Variants in ZNF462 observed in about 807,000 individuals in gnomAD.
ZNF462 encodes the protein zinc finger PBX1-interacting protein.
In ZNF462, 10 loss-of-function variants were observed where a neutral mutation model predicts 201.9. The ratio of observed to expected loss-of-function variants is 0.05; its 90% CI spans 0.03 to 0.08. The LOEUF (loss-of-function observed/expected upper bound fraction) is 0.08. ZNF462 is among the 10% of genes least tolerant of loss of function. The probability of loss-of-function intolerance (pLI) is 1.00; values close to 1 mark genes in which losing one functional copy is unlikely to be tolerated. For missense variants in ZNF462, 2,523 were observed against 3,168.3 expected, an observed-to-expected ratio of 0.80 and a Z score of 4.89; for synonymous variants, 1,227 against 1,193.3, an observed-to-expected ratio of 1.03 and a Z score of -0.58.
intron 1 of ZNF462, among the ~76,000 whole-genome samples, chr9:106,892,169 G>C (rs1040811166): frequency 1.3e-5 from 2 of 152,262 alleles, no homozygotes; most frequent in Non-Finnish European, 1.5e-5. Flanking sequence ...AAAATTATTA[G>C]CAGCTGGTTT....
At chr9:106,943,510 T>C (rs1830976586) in intron 7 of ZNF462, among the ~76,000 whole-genome samples, 1 of 152,178 alleles carries the variant, frequency 6.6e-6, no homozygotes. Flanking sequence ...TTTAATGTCT[T>C]CCTTTGTACT....
intron 10 of ZNF462, among the ~76,000 whole-genome samples, chr9:106,995,079 GTCCA>G (rs531542415): frequency 3.5e-4 from 53 of 152,146 alleles, no homozygotes; most frequent in African/African-American, 1.2e-3. Context: ...TGTATTTTGG[GTCCA>G]GGAGATTGAC....
chr9:106,939,175 C>G (rs1306832609), intron 7 of ZNF462, 68 bp downstream of exon 7: 5 of 1,383,224 alleles, frequency 3.6e-6, no homozygotes, highest in Non-Finnish European at 4.8e-6. Context: ...CATTGCCAAT[C>G]ATTTTTTTTA....
In ZNF462 at chr9:106,929,825, C is replaced by G; in HGVS notation, c.5847+66C>G. On this transcript the variant is annotated intron_variant, in intron 3 of 12. Coordinates refer to ENST00000277225, the MANE Select transcript of ZNF462 (RefSeq NM_021224.6). This position sits in a 1 kb window ranked among gnomAD's most constrained non-coding sequence, Gnocchi z 8.7. The stretch of plus-strand genomic sequence containing the variant: ...TCATCACTGGTGCCCACATGCACTT[C>G]TTCGTTGCCAGCCAAACTGCTGCAG... 1 of 1,435,094 alleles carries G rather than the reference C, an allele frequency of 7.0e-7. No homozygotes were observed. The highest frequency in any genetic ancestry group is 2.0e-5 in the Admixed American group (1 of 48,786). 88.9% of individuals were successfully genotyped at this position (1,435,094 alleles called of 1,614,324 possible).
At chr9:106,945,280 G>C (rs1831056550) in intron 7 of ZNF462, among the ~76,000 whole-genome samples, 1 of 152,176 alleles carries the variant, frequency 6.6e-6, no homozygotes, top group African/African-American at 2.4e-5. Flanking sequence ...CCTTCTCTAA[G>C]AATTATGTTG....
rs1012849905 is a variant in ZNF462 at position 106,978,495 on chromosome 9, T to C, written c.6832+4222T>C. ...TATTGAATACTAATTTAGCAAAGGTTGAAGCAAAGGATTGGTAGACCCATC... is the reference window on the plus strand; with the variant it reads ...TATTGAATACTAATTTAGCAAAGGTCGAAGCAAAGGATTGGTAGACCCATC... On this transcript the variant is annotated intron_variant, in intron 9 of 12. Transcript: ENST00000277225. The surrounding 1 kb of genome is among the most constrained non-coding windows in gnomAD (Gnocchi z 4.1). Among the ~76,000 whole-genome samples the C allele has an allele frequency of 6.6e-6, 1 of 151,614 alleles. No homozygotes were observed. The highest frequency in any genetic ancestry group is 1.9e-4 in the East Asian group (1 of 5,180).
In ZNF462 at chr9:106,993,219, G is replaced by T; in HGVS notation, c.7056+8810G>T. 6.6e-6 allele frequency among the ~76,000 whole-genome samples: 1 copy of T among 152,092 alleles called. No individual in the cohort carries two copies. The highest frequency in any genetic ancestry group is 1.9e-4 in the East Asian group (1 of 5,174). ...CTGCCTGCAAAGGTTATAAACCTCA[G>T]GAACATCTGTAAAGATGTCAGACTA... is the stretch of plus-strand genomic sequence containing the variant. On this transcript the variant is annotated intron_variant, in intron 10 of 12. Coordinates refer to ENST00000277225, the MANE Select transcript of ZNF462 (RefSeq NM_021224.6). The surrounding 1 kb of genome is among the most constrained non-coding windows in gnomAD (Gnocchi z 4.0).
intron 4 of ZNF462, among the ~76,000 whole-genome samples, chr9:106,931,629 C>G (rs1207786197): frequency 6.6e-6 from 1 of 152,174 alleles, no homozygotes; most frequent in East Asian, 1.9e-4. Flanking sequence ...GGCTCGTTTC[C>G]TGGGATCATG....
At chr9:106,921,415 A>G (rs1244654989) in intron 1 of ZNF462, among the ~76,000 whole-genome samples, 2 of 152,224 alleles carry the variant, frequency 1.3e-5, no homozygotes, top group East Asian at 1.9e-4. Flanking sequence ...CTGCTCTTCT[A>G]GCATTCATTT....
At chr9:106,869,355 A>G (rs367746864) in intron 1 of ZNF462, among the ~76,000 whole-genome samples, 1 of 152,154 alleles carries the variant, frequency 6.6e-6, no homozygotes, top group Admixed American at 6.5e-5. Context: ...CCATTTTCCC[A>G]GTATACATGA....
In ZNF462 at chr9:106,885,120, C is replaced by T. The variant is rs1018583428; in HGVS notation, c.-31+21765C>T. On this transcript the variant is annotated intron_variant, in intron 1 of 12. Transcript: ENST00000277225. This position sits in a 1 kb window ranked among gnomAD's most constrained non-coding sequence, Gnocchi z 4.1. Reference sequence around the variant, plus strand: ...AAAATGGCCCTGTTGCAAAATTTGGCAGGTCAGACACTTCAGCTTCCCAAG... The same window carrying T: ...AAAATGGCCCTGTTGCAAAATTTGGTAGGTCAGACACTTCAGCTTCCCAAG... Among the ~76,000 whole-genome samples the T allele has an allele frequency of 3.3e-5, 5 of 152,146 alleles. No homozygotes were observed. The highest frequency in any genetic ancestry group is 7.4e-5 in the Non-Finnish European group (5 of 68,026).
intron 7 of ZNF462, among the ~76,000 whole-genome samples, chr9:106,949,653 TC>T (rs754033073): frequency 1.3e-5 from 2 of 152,160 alleles, no homozygotes; most frequent in Non-Finnish European, 1.5e-5. Context: ...TACTTCTACT[TC>T]CTTTGTTTAA....
chr9:106,924,164 T>C lies in ZNF462; in HGVS notation c.252T>C (p.Gly84=). 1.9e-6 allele frequency: 3 copies of C among 1,609,362 alleles called. No homozygotes were observed. The highest frequency in any genetic ancestry group is 2.5e-6 in the Non-Finnish European group (3 of 1,178,822). The stretch of plus-strand genomic sequence containing the variant: ...ATGCAACTTCATTGGGGACCGGAGG[T>C]TACTATGGCCACAGTCCAGGATATT... ...GQNATSLGTG[G]YYGHSPGYYG... is the part of the protein sequence containing the mutation. The change falls in exon 3 of 13, where the codon GGT becomes GGC. Residue 84 remains glycine, a synonymous_variant. Transcript: ENST00000277225. This position sits in a 1 kb window ranked among gnomAD's most constrained non-coding sequence, Gnocchi z 6.2.
In ZNF462 at chr9:106,950,016, C is replaced by T. The variant is rs117238059; in HGVS notation, c.6427+10909C>T. On this transcript the variant is annotated intron_variant, in intron 7 of 12. Coordinates refer to ENST00000277225, the MANE Select transcript of ZNF462 (RefSeq NM_021224.6). This position sits in a 1 kb window ranked among gnomAD's most constrained non-coding sequence, Gnocchi z 4.1. ...ACCTAGACCTGACCAGAGGGTTAGC[C>T]GTTTCAAAGGGGCTTTCTCCAGCAT... Among the ~76,000 whole-genome samples the T allele has an allele frequency of 0.011, 1,614 of 152,248 alleles. 19 individuals carry two copies. Among genetic ancestry groups the T allele is most frequent in the South Asian group, 0.053 (254 of 4,812 alleles).
chr9:106,989,137 C>G (rs1396666594), intron 10 of ZNF462, among the ~76,000 whole-genome samples: 1 of 152,116 alleles, frequency 6.6e-6, no homozygotes, highest in Non-Finnish European at 1.5e-5. Context: ...GGACAGCTTT[C>G]AACTTTTCCC....
chr9:106,931,279 G>T (rs1830412280), intron 4 of ZNF462, among the ~76,000 whole-genome samples: 1 of 152,070 alleles, frequency 6.6e-6, no homozygotes, highest in African/African-American at 2.4e-5. Flanking sequence ...TTTTCCCTCT[G>T]ACTTTTATTA....
At position 106,978,386 on chromosome 9, in the gene ZNF462, G is replaced by T. The variant is rs1827170675; in HGVS notation, c.6832+4113G>T. Among the ~76,000 whole-genome samples the T allele has an allele frequency of 6.6e-6, 1 of 151,662 alleles. No individual in the cohort carries two copies. Among genetic ancestry groups the T allele is most frequent in the African/African-American group, 2.4e-5 (1 of 40,928 alleles). The stretch of plus-strand genomic sequence containing the variant: ...TTCTGGCCAAAGTATGAAGCGCCTG[G>T]ATACTAATATAGAAGTTGGAACTTT... On this transcript the variant is annotated intron_variant, in intron 9 of 12. Transcript: ENST00000277225. The surrounding 1 kb of genome is among the most constrained non-coding windows in gnomAD (Gnocchi z 4.1).
intron 10 of ZNF462, among the ~76,000 whole-genome samples, chr9:107,002,019 C>G (rs1410735445): frequency 6.6e-6 from 1 of 152,122 alleles, no homozygotes; most frequent in African/African-American, 2.4e-5. Flanking sequence ...CGCTGAGGCT[C>G]TTTACATTTG....
At position 106,930,656 on chromosome 9, in the gene ZNF462, T is replaced by C; in HGVS notation, c.5979T>C (p.Tyr1993=). Reference sequence around the variant, plus strand: ...ATCACCTCCGAAAGCACGTCCAGTATGGCAATGTCCCAGCTGTGTCAGCTG... The same window carrying C: ...ATCACCTCCGAAAGCACGTCCAGTACGGCAATGTCCCAGCTGTGTCAGCTG... ...ICNHLRKHVQ[Y]GNVPAVSAAV... Residue 1993 remains tyrosine (Y), a synonymous_variant, in exon 4 of 13, where the codon TAT becomes TAC. Transcript: ENST00000277225. The surrounding 1 kb of genome is among the most constrained non-coding windows in gnomAD (Gnocchi z 5.8). 1.9e-6 allele frequency: 3 copies of C among 1,614,188 alleles called. No homozygotes were observed. The highest frequency in any genetic ancestry group is 2.5e-6 in the Non-Finnish European group (3 of 1,180,032).
Sources: gnomAD v4.1 joint callset for allele counts (sites outside exome capture counted in the v4.1 genomes callset) on GRCh38, gnomAD v4.1.1 for gene constraint, Gnocchi (gnomAD v3.1) non-coding constraint, MANE v1.5 for transcripts, NCBI Gene and HGNC (gene_info 2026-07-23, HGNC 2026-07-21) for gene names.